The following RYR3 variants were observed in gnomAD, a reference collection of about 807,000 sequenced individuals.
The protein encoded by RYR3 is brain ryanodine receptor-calcium release channel.
A neutral mutation model predicts 584.3 loss-of-function variants in RYR3; 207 were observed. That is an observed-to-expected ratio of 0.35 (90% CI 0.32 to 0.40). The LOEUF (loss-of-function observed/expected upper bound fraction) is 0.40. Ranked by LOEUF, RYR3 falls within the 10% of genes least tolerant of loss-of-function variation. The pLI, the probability that RYR3 is intolerant of heterozygous loss-of-function variation, is 1.00. For synonymous variants in RYR3, 2,416 were observed against 2,248.5 expected (o/e 1.07, Z -2.11); for missense variants, 5,616 against 6,089.2 (o/e 0.92, Z 2.59).
chr15:33,568,939 G>T (rs565919549), intron 12 of RYR3, among the ~76,000 whole-genome samples: 4 of 152,208 alleles, frequency 2.6e-5, no homozygotes, highest in African/African-American at 7.2e-5. Flanking sequence ...GTTGTCTTTT[G>T]AATCTGGCCT....
At chr15:33,429,237 C>T (rs2044912061) in intron 1 of RYR3, among the ~76,000 whole-genome samples, 1 of 152,138 alleles carries the variant, frequency 6.6e-6, no homozygotes, top group Non-Finnish European at 1.5e-5. Flanking sequence ...GATTTTGTCT[C>T]CACTCGGTTA....
Position 33,810,500 on chromosome 15 carries a change from C to G in RYR3, c.10048C>G (p.Arg3350Gly). The G allele has an allele frequency of 6.2e-7, 1 of 1,613,980 alleles. No individual in the cohort carries two copies. Among genetic ancestry groups the G allele is most frequent in the Non-Finnish European group, 8.5e-7 (1 of 1,179,866 alleles). The change falls in exon 71 of 104, where the codon CGG (arginine) becomes GGG (glycine). Residue 3350 changes from arginine (R) to glycine (G), a missense_variant. Transcript: ENST00000634891. ...CTAGTCTGGAGGACAAGACCAGGAGCGGAAGAAGACAAAGCGGCGGGGAGA... is the reference window on the plus strand; with the variant it reads ...CTAGTCTGGAGGACAAGACCAGGAGGGGAAGAAGACAAAGCGGCGGGGAGA... Reference protein sequence around the residue: ...QVKSGGQDQERKKTKRRGDLY... With the variant: ...QVKSGGQDQEGKKTKRRGDLY...
At chr15:33,716,774 C>G (rs937124141) in intron 43 of RYR3, among the ~76,000 whole-genome samples, 1 of 152,050 alleles carries the variant, frequency 6.6e-6, no homozygotes, top group Admixed American at 6.6e-5. Context: ...AGTCCAGAAC[C>G]TACTTAATAT....
chr15:33,812,190 G>A (rs912410489), intron 72 of RYR3, among the ~76,000 whole-genome samples: 2 of 152,030 alleles, frequency 1.3e-5, no homozygotes, highest in South Asian at 2.1e-4. Flanking sequence ...AAACCCAAGT[G>A]GAATAACCAC....
intron 29 of RYR3, among the ~76,000 whole-genome samples, chr15:33,646,896 G>A (rs2062134499): frequency 6.6e-6 from 1 of 152,170 alleles, no homozygotes; most frequent in African/African-American, 2.4e-5. Context: ...GGCAGATACT[G>A]CCTTCTTTGC....
chr15:33,529,514 A>G (rs2572199), intron 3 of RYR3, among the ~76,000 whole-genome samples: 130,768 of 152,164 alleles, frequency 0.86, 56,771 homozygotes, highest in Middle Eastern at 0.97. Context: ...CCAGTCTGTA[A>G]CTCTGAATAA....
chr15:33,651,076 T>C (rs2152686163), intron 31 of RYR3, among the ~76,000 whole-genome samples: 1 of 152,374 alleles, frequency 6.6e-6, no homozygotes, highest in South Asian at 2.1e-4. Context: ...TTCATTTATC[T>C]GAGCCTCAGT....
At position 33,690,923 on chromosome 15, in the gene RYR3, CAA is replaced by C. The variant is rs370544223; in HGVS notation, c.5861-5293_5861-5292del. On this transcript the variant is annotated intron_variant, in intron 38 of 103. Transcript: ENST00000634891. ...TTTATGAAAACTAAATTTTTCAAAA[CAA>C]AGTGATATTTCTTTGCATGATTATA... 1.6e-3 allele frequency among the ~76,000 whole-genome samples: 246 copies of C among 152,188 alleles called. 2 individuals are homozygous for C. The highest frequency in any genetic ancestry group is 5.8e-3 in the African/African-American group (240 of 41,528).
chr15:33,679,182 A>G (rs1452896801), intron 38 of RYR3, among the ~76,000 whole-genome samples: 1 of 106,666 alleles, frequency 9.4e-6, no homozygotes, highest in African/African-American at 3.8e-5. Context: ...AATCTTCCCT[A>G]CTAAATCTAG....
At chr15:33,655,733 A>T (rs1166618808) in intron 32 of RYR3, among the ~76,000 whole-genome samples, 1 of 152,226 alleles carries the variant, frequency 6.6e-6, no homozygotes, top group Non-Finnish European at 1.5e-5. Context: ...GAAACCTGAG[A>T]GGTTCACACC....
chr15:33,785,638 C>A, intron 65 of RYR3, 24 bp from the exon 66 acceptor site: 1 of 1,525,130 alleles, frequency 6.6e-7, no homozygotes, highest in Non-Finnish European at 8.8e-7. Flanking sequence ...GAATTTCTGT[C>A]CCTTTATTCT....
In RYR3 at chr15:33,738,547, C is replaced by T. The variant is rs576237958; in HGVS notation, c.7613C>T (p.Thr2538Met). 4.2e-5 allele frequency: 68 copies of T among 1,613,822 alleles called. No individual in the cohort carries two copies. Among genetic ancestry groups the T allele is most frequent in the South Asian group, 3.3e-4 (30 of 91,082 alleles). Reference protein sequence around the residue: ...GLAVEEELHLTEKLFWGIFDS... With the variant: ...GLAVEEELHLMEKLFWGIFDS... Reference sequence around the variant, plus strand: ...GCTGTGGAAGAAGAGCTGCACCTAACGGAGAAGCTTTTCTGGGGGATTTTT... The same window carrying T: ...GCTGTGGAAGAAGAGCTGCACCTAATGGAGAAGCTTTTCTGGGGGATTTTT... The change falls in exon 50 of 104, where the codon ACG (threonine) becomes ATG (methionine). Residue 2538 changes from threonine (T) to methionine (M), a missense_variant. By Grantham distance (81) the Thr-to-Met change is moderately conservative. Transcript: ENST00000634891.
In RYR3 at chr15:33,800,855, C is replaced by A; in HGVS notation, c.9916C>A (p.His3306Asn). The A allele has an allele frequency of 6.2e-7, 1 of 1,605,326 alleles. No individual in the cohort carries two copies. The highest frequency in any genetic ancestry group is 1.1e-5 in the South Asian group (1 of 90,894). ...AEVFILWCKS[H>N]NFKREEQNFV... ...AGTCTTCATTCTGTGGTGTAAATCTCATGTAAGAACACATTTGGGCCCTGG... is the reference window on the plus strand; with the variant it reads ...AGTCTTCATTCTGTGGTGTAAATCTAATGTAAGAACACATTTGGGCCCTGG... Residue 3306 changes from histidine (H) to asparagine (N), a missense_variant and splice_region_variant, in exon 68 of 104, where the codon CAT (histidine) becomes AAT (asparagine). Physicochemically the swap from His to Asn is moderately conservative, Grantham distance 68. This residue lies in a region of RYR3 where 954 missense variants were observed against 1,132.2 expected (regional missense o/e 0.84). Coordinates refer to ENST00000634891, the MANE Select transcript of RYR3 (RefSeq NM_001036.6).
At chr15:33,854,629 T>TCTTGG (rs2079452838) in intron 97 of RYR3, 137 bp from the exon 98 acceptor site, 2 of 1,201,980 alleles carry the variant, frequency 1.7e-6, no homozygotes, top group Non-Finnish European at 2.4e-6. Flanking sequence ...ACTTAGCAGA[T>TCTTGG]CTTGGGCCAG....
chr15:33,353,993 T>C (rs1973627770), intron 1 of RYR3, among the ~76,000 whole-genome samples: 1 of 152,232 alleles, frequency 6.6e-6, no homozygotes, highest in African/African-American at 2.4e-5. Flanking sequence ...CATTGATTTA[T>C]CTGACGGCTG....
chr15:33,497,674 C>G (rs370163433), intron 2 of RYR3, among the ~76,000 whole-genome samples: 2 of 152,270 alleles, frequency 1.3e-5, no homozygotes, highest in East Asian at 3.9e-4. Context: ...TCAAATCAGG[C>G]TAATTAGCAC....
At chr15:33,506,312 T>C (rs1406462740) in intron 3 of RYR3, among the ~76,000 whole-genome samples, 1 of 152,232 alleles carries the variant, frequency 6.6e-6, no homozygotes, top group Admixed American at 6.5e-5. Context: ...AAGCCATTTA[T>C]AAGTTACAAC....
intron 5 of RYR3, 88 bp downstream of exon 5, chr15:33,533,477 T>C (rs2055052901): frequency 1.1e-6 from 1 of 914,128 alleles, no homozygotes; most frequent in Non-Finnish European, 1.7e-6. Context: ...GTTACTCATT[T>C]GGGATTCCAA....
intron 5 of RYR3, 71 bp downstream of exon 5, chr15:33,533,460 T>C: frequency 9.6e-7 from 1 of 1,046,616 alleles, no homozygotes; most frequent in Non-Finnish European, 1.5e-6. Context: ...AGAAGGACCC[T>C]GAATGCGTTA....
Sources: allele counts gnomAD v4.1 joint callset (sites outside exome capture counted in the v4.1 genomes callset), GRCh38; gene constraint gnomAD v4.1.1; regional missense constraint gnomAD v4.1.1; transcripts MANE v1.5; gene names NCBI Gene and HGNC (gene_info 2026-07-23, HGNC 2026-07-21).